STARD13: variants seen among roughly 807,000 people sequenced by gnomAD.
The protein encoded by STARD13 is stAR-related lipid transfer protein 13.
Under a neutral mutation model 106.4 loss-of-function variants are expected in STARD13, and 62 were observed. That is an observed-to-expected ratio of 0.58 (90% CI 0.48 to 0.72). STARD13 has a LOEUF of 0.72. Among genes scored for constraint, STARD13 ranks in the 30% least tolerant of loss-of-function variants. STARD13 has a pLI of 0.00. For missense variants in STARD13, 1,387 were observed against 1,424.0 expected, an observed-to-expected ratio of 0.97 and a Z score of 0.42; for synonymous variants, 565 against 553.0, an observed-to-expected ratio of 1.02 and a Z score of -0.31.
At chr13:33,542,802 C>T in the STARD13 span, among the ~76,000 whole-genome samples, 1 of 152,252 alleles carries the variant, frequency 6.6e-6, no homozygotes, top group Non-Finnish European at 1.5e-5. Context: ...CCCAGCGGCC[C>T]AGGCTCTGGC....
intron 1 of STARD13, among the ~76,000 whole-genome samples, chr13:33,316,552 A>T (rs1361152631): frequency 6.6e-6 from 1 of 152,192 alleles, no homozygotes; most frequent in Non-Finnish European, 1.5e-5. Flanking sequence ...TATTTTATAA[A>T]TGTGGGAAAA....
chr13:33,423,943 G>A, the STARD13 span, among the ~76,000 whole-genome samples: 3 of 152,190 alleles, frequency 2.0e-5, no homozygotes, highest in South Asian at 6.2e-4. Context: ...GGGGCCTGTC[G>A]GGGAGTGGCA....
the STARD13 span, among the ~76,000 whole-genome samples, chr13:33,528,273 T>TAC: frequency 7.4e-6 from 1 of 134,846 alleles, no homozygotes; most frequent in Non-Finnish European, 1.5e-5. Flanking sequence ...TATATATATA[T>TAC]ACTCTTTTTT....
the STARD13 span, among the ~76,000 whole-genome samples, chr13:33,429,969 G>C: frequency 4.6e-5 from 7 of 151,362 alleles, no homozygotes; most frequent in Non-Finnish European, 7.4e-5. Flanking sequence ...CCAGGCTGGA[G>C]TGCAGTGGCG....
At chr13:33,383,491 C>G in the STARD13 span, 1 of 152,310 alleles carries the variant, frequency 6.6e-6, no homozygotes, top group Non-Finnish European at 1.5e-5. Flanking sequence ...CACCTGTAAT[C>G]CCAGCACTTT....
At chr13:33,191,447 T>C (rs1240153992) in intron 1 of STARD13, among the ~76,000 whole-genome samples, 2 of 152,170 alleles carry the variant, frequency 1.3e-5, no homozygotes, top group African/African-American at 4.8e-5. Context: ...ATTTCTAAGA[T>C]GAAATGTTGT....
the STARD13 span, among the ~76,000 whole-genome samples, chr13:33,608,947 G>A: frequency 1.3e-5 from 2 of 151,612 alleles, no homozygotes; most frequent in African/African-American, 2.4e-5. Context: ...TTAGCCGGGC[G>A]TGGTGGCGGG....
chr13:33,304,224 A>G (rs1892822707), intron 1 of STARD13, among the ~76,000 whole-genome samples: 1 of 152,186 alleles, frequency 6.6e-6, no homozygotes, highest in Non-Finnish European at 1.5e-5. Flanking sequence ...TGTTTTAGGA[A>G]TTGCTTTGAT....
upstream of STARD13, among the ~76,000 whole-genome samples, chr13:33,352,451 G>C (rs546377695): frequency 1.3e-5 from 2 of 152,328 alleles, no homozygotes; most frequent in Non-Finnish European, 2.9e-5. Flanking sequence ...CTATTTCAGT[G>C]ATCATTTAGC....
chr13:33,426,520 A>G, the STARD13 span, among the ~76,000 whole-genome samples: 1 of 152,118 alleles, frequency 6.6e-6, no homozygotes, highest in African/African-American at 2.4e-5. Flanking sequence ...ATCACTTCTC[A>G]TATTCTTACT....
Position 33,309,150 on chromosome 13 carries a change from A to G in STARD13, c.124+41140T>C, listed in dbSNP as rs544909110. On this transcript the variant is annotated intron_variant, in intron 1 of 5. Transcript: ENST00000567873. ...CATGACACTAAATTCCAATAACTCA[A>G]TACATTTTCTTAATATAAAAGCTCT... is the stretch of plus-strand genomic sequence containing the variant. Among the ~76,000 whole-genome samples the G allele has an allele frequency of 2.6e-5, 4 of 152,322 alleles. No individual in the cohort carries two copies. The East Asian group carries it at 7.7e-4, about 29-fold the overall frequency.
chr13:33,581,715 C>T, the STARD13 span, among the ~76,000 whole-genome samples: 6 of 151,906 alleles, frequency 3.9e-5, no homozygotes, highest in Admixed American at 1.3e-4. Flanking sequence ...TAACAAATAT[C>T]GAAAATAAAT....
At chr13:33,373,692 A>G in the STARD13 span, among the ~76,000 whole-genome samples, 2 of 152,158 alleles carry the variant, frequency 1.3e-5, no homozygotes, top group Non-Finnish European at 2.9e-5. Flanking sequence ...AAAGATGCTC[A>G]ATATCTTCAA....
At chr13:33,350,549 A>G in exon 1 of STARD13, 1 of 1,429,576 alleles carries the variant, frequency 7.0e-7, no homozygotes, top group South Asian at 1.5e-5. Context: ...CGGGCGCGAC[A>G]TGGGTCGGTC....
At chr13:33,252,850 G>A (rs1890158231) in intron 1 of STARD13, among the ~76,000 whole-genome samples, 1 of 152,202 alleles carries the variant, frequency 6.6e-6, no homozygotes, top group Non-Finnish European at 1.5e-5. Flanking sequence ...GGGTTGTAAA[G>A]GATGAAAATG....
At chr13:33,141,407 A>G (rs1401323364) in intron 4 of STARD13, among the ~76,000 whole-genome samples, 1 of 152,268 alleles carries the variant, frequency 6.6e-6, no homozygotes, top group African/African-American at 2.4e-5. Context: ...TACATAATCT[A>G]GTTCCTAGAA....
At chr13:33,287,653 T>TC (rs1892125580), upstream of STARD13, among the ~76,000 whole-genome samples, 1 of 152,202 alleles carries the variant, frequency 6.6e-6, no homozygotes, top group Non-Finnish European at 1.5e-5. Context: ...CCTGGAAGGT[T>TC]CATGAGCCCA....
chr13:33,510,177 C>T, the STARD13 span, among the ~76,000 whole-genome samples: 1 of 152,094 alleles, frequency 6.6e-6, no homozygotes, highest in South Asian at 2.1e-4. Flanking sequence ...GGTTGCCAAG[C>T]CACGATGAGC....
At chr13:33,198,154 T>A (rs577895814) in intron 1 of STARD13, among the ~76,000 whole-genome samples, 1 of 152,276 alleles carries the variant, frequency 6.6e-6, no homozygotes, top group South Asian at 2.1e-4. Flanking sequence ...GGCCACAGAG[T>A]GAGACTCCGT....
Sources: gnomAD v4.1 joint callset for allele counts (sites outside exome capture counted in the v4.1 genomes callset) on GRCh38, gnomAD v4.1.1 for gene constraint, MANE v1.5 for transcripts, NCBI Gene and HGNC (gene_info 2026-07-23, HGNC 2026-07-21) for gene names.